BLTP3A: variants seen among roughly 807,000 people sequenced by gnomAD.
BLTP3A encodes bridge-like lipid transfer protein family member 3A, also known as ICBP90 binding protein 1.
At chr6:34,806,647 G>A in the BLTP3A span, among the ~76,000 whole-genome samples, 8 of 152,134 alleles carry the variant, frequency 5.3e-5, no homozygotes, top group Non-Finnish European at 1.2e-4. Context: ...CTTTGAGGCA[G>A]TAACATGGAT....
chr6:34,867,094 C>T, the BLTP3A span: 1 of 964,388 alleles, frequency 1.0e-6, no homozygotes, highest in Non-Finnish European at 1.4e-6. Flanking sequence ...CTAGTTAGTC[C>T]TCAAATTTCT....
chr6:34,872,261 G>T, the BLTP3A span: 1 of 1,554,052 alleles, frequency 6.4e-7, no homozygotes, highest in Non-Finnish European at 8.7e-7. Context: ...ACTGGCGGTT[G>T]TTGCAAGATG....
chr6:34,863,143 G>A, the BLTP3A span, among the ~76,000 whole-genome samples: 1 of 152,112 alleles, frequency 6.6e-6, no homozygotes, highest in African/African-American at 2.4e-5. Flanking sequence ...CTGGATTCAA[G>A]CCATCTGCCT....
chr6:34,830,321 A>G, the BLTP3A span, among the ~76,000 whole-genome samples: 66,385 of 151,114 alleles, frequency 0.44, 16,339 homozygotes, highest in African/African-American at 0.67. Context: ...GGGTGTGGTG[A>G]CTCACGCCTG....
the BLTP3A span, among the ~76,000 whole-genome samples, chr6:34,833,121 A>G: frequency 6.6e-6 from 1 of 152,172 alleles, no homozygotes; most frequent in East Asian, 1.9e-4. Flanking sequence ...TTTGAGCTAC[A>G]TGGGTCCATG....
At chr6:34,870,201 A>G in the BLTP3A span, among the ~76,000 whole-genome samples, 1 of 152,166 alleles carries the variant, frequency 6.6e-6, no homozygotes, top group African/African-American at 2.4e-5. Context: ...GTTGCTGTGA[A>G]CATCCTTGTA....
chr6:34,857,490 A>C, the BLTP3A span: 1 of 1,611,944 alleles, frequency 6.2e-7, no homozygotes, highest in East Asian at 2.2e-5. Flanking sequence ...TAGGCTGGCT[A>C]TTTTTCTGTC....
chr6:34,812,530 G>A, the BLTP3A span, among the ~76,000 whole-genome samples: 1 of 152,052 alleles, frequency 6.6e-6, no homozygotes, highest in Non-Finnish European at 1.5e-5. Flanking sequence ...GAGTGTAGAG[G>A]CACCATCGTA....
the BLTP3A span, among the ~76,000 whole-genome samples, chr6:34,827,404 T>G: frequency 6.6e-6 from 1 of 152,210 alleles, no homozygotes; most frequent in East Asian, 1.9e-4. Flanking sequence ...AAGAGGATTT[T>G]GAGATAACTT....
chr6:34,834,682 A>G, the BLTP3A span: 3 of 1,599,846 alleles, frequency 1.9e-6, no homozygotes, highest in Non-Finnish European at 8.5e-7. Context: ...GGTTAATTTC[A>G]TTCACAGGAT....
chr6:34,851,399 A>G, the BLTP3A span, among the ~76,000 whole-genome samples: 1 of 152,138 alleles, frequency 6.6e-6, no homozygotes, highest in African/African-American at 2.4e-5. Flanking sequence ...ACTCAGAGGT[A>G]TTGCCTTGGT....
the BLTP3A span, among the ~76,000 whole-genome samples, chr6:34,848,950 A>AT: frequency 0.03 from 2,598 of 86,820 alleles, 42 homozygotes; most frequent in East Asian, 0.035. Context: ...AATTTCTTGC[A>AT]TTTTTTTTTT....
the BLTP3A span, chr6:34,856,262 C>T: frequency 2.3e-5 from 37 of 1,613,794 alleles, 1 homozygote; most frequent in South Asian, 6.6e-5. Context: ...ACATTGGGTA[C>T]GCCACTGTGA....
At chr6:34,851,858 C>T in the BLTP3A span, among the ~76,000 whole-genome samples, 1 of 152,198 alleles carries the variant, frequency 6.6e-6, no homozygotes, top group Non-Finnish European at 1.5e-5. Flanking sequence ...CCACTCTTTC[C>T]CTTCCTTTCC....
chr6:34,871,355 C>A, the BLTP3A span, among the ~76,000 whole-genome samples: 1 of 152,144 alleles, frequency 6.6e-6, no homozygotes, highest in African/African-American at 2.4e-5. Flanking sequence ...TTGTCTGTAA[C>A]CCTAACCCTG....
chr6:34,867,459 T>C, the BLTP3A span: 2 of 1,613,986 alleles, frequency 1.2e-6, no homozygotes, highest in Non-Finnish European at 1.7e-6. Context: ...AGAATCTCCT[T>C]TGATAGGTCT....
chr6:34,800,686 A>G, the BLTP3A span, among the ~76,000 whole-genome samples: 1 of 152,240 alleles, frequency 6.6e-6, no homozygotes. Context: ...CAGTATCTAT[A>G]GTAAAGCAGA....
At chr6:34,797,269 G>A in the BLTP3A span, among the ~76,000 whole-genome samples, 11 of 152,200 alleles carry the variant, frequency 7.2e-5, no homozygotes, top group Non-Finnish European at 1.0e-4. Context: ...GAACCTCAGC[G>A]ATAGAGACCT....
chr6:34,871,137 T>A, the BLTP3A span: 5 of 1,601,224 alleles, frequency 3.1e-6, no homozygotes, highest in Non-Finnish European at 4.3e-6. Flanking sequence ...CCTTTGGTTT[T>A]TGCCAATGTA....
Sources: allele counts gnomAD v4.1 joint callset (sites outside exome capture counted in the v4.1 genomes callset), GRCh38; gene constraint gnomAD v4.1.1; transcripts MANE v1.5; gene names NCBI Gene and HGNC (gene_info 2026-07-23, HGNC 2026-07-21).